The following MTRR variants were observed in gnomAD, a reference collection of about 807,000 sequenced individuals.
MTRR encodes methionine synthase reductase.
MTRR carries 63 observed loss-of-function variants against 79.2 expected under a neutral mutation model. That is an observed-to-expected ratio of 0.80 (90% confidence interval 0.65 to 0.98). The LOEUF is 0.98. Ranked by LOEUF, MTRR falls within the 50% of genes least tolerant of loss-of-function variation. The pLI, the probability that MTRR is intolerant of heterozygous loss-of-function variation, is 0.00. For missense variants in MTRR, 895 were observed against 839.6 expected, an observed-to-expected ratio of 1.07 and a Z score of -0.82; for synonymous variants, 355 against 313.3, an observed-to-expected ratio of 1.13 and a Z score of -1.41.
rs558199370 is a variant in MTRR, at chr5:7,854,579, GGAA to G, written n.391+2997_391+2999del. On this transcript the variant is annotated intron_variant and non_coding_transcript_variant, in intron 1 of 3. Coordinates refer to the MTRR transcript ENST00000502509. The stretch of plus-strand genomic sequence containing the variant: ...ACATGGTGGCGGCAAGAGAAAATGA[GGAA>G]GATGCAAAAGCGGAAACCCCTGATA... 5.6e-3 allele frequency among the ~76,000 whole-genome samples: 853 copies of G among 152,216 alleles called. 5 individuals carry two copies. Among genetic ancestry groups the G allele is most frequent in the Admixed American group, 0.011 (167 of 15,306 alleles).
chr5:7,891,781 T>G (rs1398552059), intron 10 of MTRR, among the ~76,000 whole-genome samples: 1 of 152,010 alleles, frequency 6.6e-6, no homozygotes, highest in Non-Finnish European at 1.5e-5. Context: ...GGTGACTCAC[T>G]CCTGTAATCC....
In MTRR at chr5:7,869,180, C is replaced by G. The variant is rs1327536759; in HGVS notation, c.-61C>G. The G allele has an allele frequency of 1.9e-6, 3 of 1,611,700 alleles. No individual in the cohort carries two copies. The highest frequency in any genetic ancestry group is 2.2e-5 in the East Asian group (1 of 44,852). On this transcript the variant is annotated 5_prime_UTR_variant, in exon 1 of 15. Coordinates refer to ENST00000440940, the MANE Select transcript of MTRR (RefSeq NM_002454.3). The stretch of plus-strand genomic sequence containing the variant: ...GCTGGCGCAAGGTTGGTGGAAGTCG[C>G]GTTGTGCAGGTTCGTGCCCGGCTGG...
Position 7,883,085 on chromosome 5 carries a change from C to T in MTRR, c.781-70C>T, listed in dbSNP as rs1454501560. 30 of 1,602,866 alleles carry T rather than the reference C, an allele frequency of 1.9e-5. No individual in the cohort carries two copies. In the East Asian group the frequency reaches 2.2e-4, roughly 12 times the overall value. On this transcript the variant is annotated intron_variant, in intron 5 of 14. Coordinates refer to ENST00000440940, the MANE Select transcript of MTRR (RefSeq NM_002454.3). ...GTTTTGTAAGCCCCTGTGGATCTTG[C>T]GTAGTCACTAATTGAAAGAAGGGTA...
chr5:7,861,402 G>T (rs1746520635), intron 1 of MTRR: 1 of 598,208 alleles, frequency 1.7e-6, no homozygotes, highest in Non-Finnish European at 2.7e-6. Context: ...TCATGAATTT[G>T]ATCTTATTAA....
chr5:7,862,959 A>G, intron 2 of MTRR: 1 of 1,614,012 alleles, frequency 6.2e-7, no homozygotes, highest in Non-Finnish European at 8.5e-7. Flanking sequence ...ATGGGGTAAG[A>G]AATGACTTCA....
At chr5:7,867,850 T>G, upstream of MTRR, 2 of 1,614,198 alleles carry the variant, frequency 1.2e-6, no homozygotes, top group South Asian at 1.1e-5. Flanking sequence ...AGAACACTGG[T>G]CCACCGAGTG....
chr5:7,890,656 G>T (rs940174657), intron 9 of MTRR, among the ~76,000 whole-genome samples: 1 of 151,980 alleles, frequency 6.6e-6, no homozygotes, highest in Non-Finnish European at 1.5e-5. Context: ...ACCTTATTTT[G>T]ATGTTTAAAA....
At chr5:7,857,130 AT>A (rs902914301) in intron 1 of MTRR, among the ~76,000 whole-genome samples, 31 of 152,076 alleles carry the variant, frequency 2.0e-4, no homozygotes, top group African/African-American at 5.3e-4. Flanking sequence ...AAGTAAAACA[AT>A]TTTTTTTCAT....
At chr5:7,865,824 G>C (rs1746904944), upstream of MTRR, 1 of 1,146,726 alleles carries the variant, frequency 8.7e-7, no homozygotes, top group African/African-American at 1.5e-5. Flanking sequence ...TATTGAGACA[G>C]ATCAGAAGTA....
intron 1 of MTRR, chr5:7,861,311 A>T (rs1746514655): frequency 1.8e-6 from 2 of 1,096,872 alleles, no homozygotes; most frequent in Non-Finnish European, 2.6e-6. Flanking sequence ...AAATAATCCA[A>T]AATATTTATT....
In MTRR at chr5:7,870,848, C is replaced by T. The variant is rs6413426; in HGVS notation, c.54C>T (p.Ile18=). 151 of 1,614,152 alleles carry T rather than the reference C, an allele frequency of 9.4e-5. No homozygotes were observed. The African/African-American group carries it at 1.8e-3, about 19-fold the overall frequency. ...YATQQGQAKA[I]AEEICEQAVV... Reference sequence around the variant, plus strand: ...CACAGCAGGGACAGGCAAAGGCCATCGCAGAAGAAATATGTGAGCAAGCTG... The same window carrying T: ...CACAGCAGGGACAGGCAAAGGCCATTGCAGAAGAAATATGTGAGCAAGCTG... Residue 18 remains isoleucine (I), a synonymous_variant, in exon 2 of 15, where the codon ATC becomes ATT. Transcript: ENST00000440940.
chr5:7,852,135 CAGAT>C (rs1746094551), intron 1 of MTRR, among the ~76,000 whole-genome samples: 1 of 152,154 alleles, frequency 6.6e-6, no homozygotes. Flanking sequence ...TGAAGGTGAA[CAGAT>C]AGGTGGGGGC....
intron 1 of MTRR, chr5:7,869,475 C>G (rs998874991): frequency 5.5e-5 from 29 of 525,106 alleles, no homozygotes; most frequent in Non-Finnish European, 8.9e-5. Flanking sequence ...CGTGGGGTCT[C>G]TCCTCATGTT....
intron 9 of MTRR, 82 bp from the exon 10 acceptor site, chr5:7,891,290 T>C (rs79542614): frequency 4.6e-5 from 2 of 43,888 alleles, no homozygotes; most frequent in East Asian, 1.0e-3. Context: ...AGACATGGAA[T>C]TTTTTTTTTT....
At chr5:7,866,606 G>A (rs577392935), upstream of MTRR, 5 of 1,446,432 alleles carry the variant, frequency 3.5e-6, no homozygotes, top group Admixed American at 4.3e-5. Context: ...CAGTTCAAAG[G>A]TTACTTTTTT....
At chr5:7,896,172 C>G (rs1170784152) in intron 12 of MTRR, among the ~76,000 whole-genome samples, 1 of 152,136 alleles carries the variant, frequency 6.6e-6, no homozygotes, top group African/African-American at 2.4e-5. Flanking sequence ...GTATCTATCC[C>G]TTAATTGGAT....
chr5:7,868,069 G>A, upstream of MTRR: 1 of 1,606,056 alleles, frequency 6.2e-7, no homozygotes. Flanking sequence ...TCTTCCTCAA[G>A]GTGATTAATG....
chr5:7,893,595 A>C (rs544756723), intron 11 of MTRR: 1 of 152,540 alleles, frequency 6.6e-6, no homozygotes, highest in Non-Finnish European at 1.5e-5. Context: ...GTGTGTAGGC[A>C]ACAGTTTAAA....
Position 7,873,477 on chromosome 5 carries a change from C to G in MTRR, c.234C>G (p.Asn78Lys), listed in dbSNP as rs757746363. The G allele has an allele frequency of 1.2e-6, 2 of 1,614,128 alleles. No individual in the cohort carries two copies. Among genetic ancestry groups the G allele is most frequent in the South Asian group, 1.1e-5 (1 of 91,070 alleles). Reference sequence around the variant, plus strand: ...GCAAGTTTGTTAAGGAAATACAGAACCAAACACTGCCGGTTGATTTCTTTG... The same window carrying G: ...GCAAGTTTGTTAAGGAAATACAGAAGCAAACACTGCCGGTTGATTTCTTTG... ...TARKFVKEIQ[N>K]QTLPVDFFAH... is the part of the protein sequence containing the mutation. The change falls in exon 3 of 15, where the codon AAC (asparagine) becomes AAG (lysine). Residue 78 changes from asparagine (N) to lysine (K), a missense_variant. Coordinates refer to ENST00000440940, the MANE Select transcript of MTRR (RefSeq NM_002454.3).
Sources: allele counts gnomAD v4.1 joint callset (sites outside exome capture counted in the v4.1 genomes callset), GRCh38; gene constraint gnomAD v4.1.1; transcripts MANE v1.5; gene names NCBI Gene and HGNC (gene_info 2026-07-23, HGNC 2026-07-21).